XCL1: variants seen among roughly 807,000 people sequenced by gnomAD.
The protein encoded by XCL1 is X-C motif chemokine ligand 1.
A neutral mutation model predicts 7.4 loss-of-function variants in XCL1; 6 were observed. That is an observed-to-expected ratio of 0.82 (90% CI 0.45 to 1.61). The LOEUF (loss-of-function observed/expected upper bound fraction) is 1.61. XCL1 is among the 40% of genes most tolerant of loss of function. The pLI is 0.01. For synonymous variants in XCL1, 48 were observed against 52.4 expected, an observed-to-expected ratio of 0.92 and a Z score of 0.36; for missense variants, 122 against 138.2, an observed-to-expected ratio of 0.88 and a Z score of 0.59.
rs189088440 is a variant in XCL1 at position 168,577,627 on chromosome 1, T to C, written c.61+929T>C. Among the ~76,000 whole-genome samples, 3 of 152,304 alleles carry C rather than the reference T, an allele frequency of 2.0e-5. No individual in the cohort carries two copies. The East Asian group carries it at 5.8e-4, about 29-fold the overall frequency. ...ATGGGTCCCCAAGGGGTTCCATGAA[T>C]AAAGGTGGCTAAGTCTGGAAGTCCT... On this transcript the variant is annotated intron_variant, in intron 1 of 2. Coordinates refer to ENST00000367818, the MANE Select transcript of XCL1 (RefSeq NM_002995.3).
intron 1 of XCL1, chr1:168,579,034 T>C: frequency 2.5e-6 from 1 of 406,654 alleles, no homozygotes; most frequent in South Asian, 2.0e-5. Context: ...AAAGAACAGG[T>C]GATTTCCTAG....
At chr1:168,576,988 A>G (rs1444147216) in intron 1 of XCL1, among the ~76,000 whole-genome samples, 5 of 152,268 alleles carry the variant, frequency 3.3e-5, no homozygotes, top group Admixed American at 2.6e-4. Context: ...ACTGAATAGT[A>G]TAACAGACAT....
intron 2 of XCL1, among the ~76,000 whole-genome samples, chr1:168,580,752 G>A (rs1375622132): frequency 6.6e-6 from 1 of 152,192 alleles, no homozygotes; most frequent in Admixed American, 6.6e-5. Context: ...AAGAGGTTAT[G>A]TAATAATGGA....
In XCL1 at chr1:168,581,187, A is replaced by G; in HGVS notation, c.312A>G (p.Gln104=). The G allele has an allele frequency of 6.2e-7, 1 of 1,613,790 alleles. No individual in the cohort carries two copies. Among genetic ancestry groups the G allele is most frequent in the Non-Finnish European group, 8.5e-7 (1 of 1,179,772 alleles). Residue 104 remains glutamine, a synonymous_variant, in exon 3 of 3, where the codon CAA becomes CAG. Coordinates refer to ENST00000367818, the MANE Select transcript of XCL1 (RefSeq NM_002995.3). ...MIQTKPTGTQ[Q]STNTAVTLTG is the part of the protein sequence containing the mutation. Reference sequence around the variant, plus strand: ...AGACCAAGCCAACAGGAACCCAGCAATCGACCAATACAGCTGTGACTCTGA... The same window carrying G: ...AGACCAAGCCAACAGGAACCCAGCAGTCGACCAATACAGCTGTGACTCTGA...
chr1:168,581,157 G>A lies in XCL1; in HGVS notation c.282G>A (p.Met94Ile), dbSNP rs1463347275. 1.9e-6 allele frequency: 3 copies of A among 1,613,670 alleles called. No individual in the cohort carries two copies. In the African/African-American group the frequency reaches 4.0e-5, roughly 22 times the overall value. Reference protein sequence around the residue: ...MDRKSNTRNNMIQTKPTGTQQ... With the variant: ...MDRKSNTRNNIIQTKPTGTQQ... ...GGAAATCCAACACCAGAAATAACAT[G>A]ATCCAGACCAAGCCAACAGGAACCC... The change falls in exon 3 of 3, where the codon ATG (methionine) becomes ATA (isoleucine). Residue 94 changes from methionine to isoleucine, a missense_variant. Transcript: ENST00000367818.
Position 168,580,150 on chromosome 1 carries a change from T to A in XCL1, c.149T>A (p.Ile50Asn). The change falls in exon 2 of 3, where the codon ATC becomes AAC. Residue 50 changes from isoleucine to asparagine, a missense_variant. Coordinates refer to ENST00000367818, the MANE Select transcript of XCL1 (RefSeq NM_002995.3). ...LPVSRIKTYTITEGSLRAVIF... is the reference protein window; with the variant it reads ...LPVSRIKTYTNTEGSLRAVIF... ...GTTAGCAGAATCAAGACCTACACCA[T>A]CACGGAAGGCTCCTTGAGAGCAGTA... 1 of 1,613,910 alleles carries A rather than the reference T, an allele frequency of 6.2e-7. No homozygotes were observed. Among genetic ancestry groups the A allele is most frequent in the Non-Finnish European group, 8.5e-7 (1 of 1,179,852 alleles).
intron 1 of XCL1, among the ~76,000 whole-genome samples, chr1:168,577,473 G>A (rs1006429904): frequency 3.3e-5 from 5 of 152,114 alleles, no homozygotes; most frequent in African/African-American, 9.7e-5. Context: ...GATATACCGA[G>A]CCCTTACCTG....
intron 1 of XCL1, among the ~76,000 whole-genome samples, chr1:168,577,986 TCAAA>T (rs1655064848): frequency 6.6e-6 from 1 of 152,188 alleles, no homozygotes; most frequent in Non-Finnish European, 1.5e-5. Context: ...ACACAGACAC[TCAAA>T]CATTGCTGAC....
chr1:168,581,556 T>A lies in XCL1; in HGVS notation c.*336T>A. 5.8e-6 allele frequency: 1 copy of A among 172,526 alleles called. No homozygotes were observed. The highest frequency in any genetic ancestry group is 1.2e-5 in the Non-Finnish European group (1 of 82,248). The allele number at this position is 172,526 out of a possible 1,614,324, so 10.7% of individuals were successfully genotyped here. Reference sequence around the variant, plus strand: ...AGGTGAAAGCTATATCAATCTCTCTTAGAGTCCAGCTTGTAATGGTTCTTT... The same window carrying A: ...AGGTGAAAGCTATATCAATCTCTCTAAGAGTCCAGCTTGTAATGGTTCTTT... On this transcript the variant is annotated 3_prime_UTR_variant, in exon 3 of 3. Coordinates refer to ENST00000367818, the MANE Select transcript of XCL1 (RefSeq NM_002995.3).
At chr1:168,579,852 T>A (rs1472612384) in intron 1 of XCL1, among the ~76,000 whole-genome samples, 1 of 152,022 alleles carries the variant, frequency 6.6e-6, no homozygotes, top group Non-Finnish European at 1.5e-5. Context: ...CTGAAACAAT[T>A]CTGTTGATTG....
rs1033876236 is a variant in XCL1, at chr1:168,581,885, T to G, written c.*665T>G. The G allele has an allele frequency of 2.0e-5, 3 of 152,362 alleles. No homozygotes were observed. The South Asian group carries it at 6.2e-4, about 32-fold the overall frequency. The allele number at this position is 152,362 out of a possible 1,614,324, so 9.4% of individuals were successfully genotyped here. On this transcript the variant is annotated 3_prime_UTR_variant, in exon 3 of 3. Coordinates refer to ENST00000367818, the MANE Select transcript of XCL1 (RefSeq NM_002995.3). ...TATTCAAGTAAAAATCAATACCCTT[T>G]GAATTGGACAATAATCTCACTACCT...
Position 168,581,112 on chromosome 1 carries a change from C to T in XCL1, c.237C>T (p.Asp79=), listed in dbSNP as rs151153774. ...ATCCACAAGCCACATGGGTGAGAGA[C>T]GTGGTCAGGAGCATGGACAGGAAAT... ...CADPQATWVR[D]VVRSMDRKSN... is the part of the protein sequence containing the mutation. The change falls in exon 3 of 3, where the codon GAC becomes GAT. Residue 79 remains aspartate (D), a synonymous_variant. Coordinates refer to ENST00000367818, the MANE Select transcript of XCL1 (RefSeq NM_002995.3). 152 of 1,613,802 alleles carry T rather than the reference C, an allele frequency of 9.4e-5. No individual in the cohort carries two copies. The highest frequency in any genetic ancestry group is 3.9e-4 in the African/African-American group (29 of 75,008).
At chr1:168,577,212 T>A (rs1281614163) in intron 1 of XCL1, among the ~76,000 whole-genome samples, 1 of 152,200 alleles carries the variant, frequency 6.6e-6, no homozygotes, top group Non-Finnish European at 1.5e-5. Context: ...AGAGGATGTA[T>A]GTTCTGGAGT....
chr1:168,579,125 C>G (rs548858609), intron 1 of XCL1: 1 of 425,458 alleles, frequency 2.4e-6, no homozygotes, highest in African/African-American at 2.1e-5. Flanking sequence ...TGTCTCTGGT[C>G]AGTACTTGTG....
rs397832918 is a variant in XCL1 at position 168,579,656 on chromosome 1, A to G, written c.62-407A>G. Among the ~76,000 whole-genome samples, 323 of 152,128 alleles carry G rather than the reference A, an allele frequency of 2.1e-3. 2 individuals are homozygous for G. Among genetic ancestry groups the G allele is most frequent in the African/African-American group, 7.4e-3 (307 of 41,476 alleles). ...CTGTCTGCTGCCTGGCTCCCTCATG[A>G]GAAGATATGCTCTATGAAAACAGGA... On this transcript the variant is annotated intron_variant, in intron 1 of 2. Coordinates refer to ENST00000367818, the MANE Select transcript of XCL1 (RefSeq NM_002995.3).
rs6688290 is a variant in XCL1, at chr1:168,581,028, G to A, written c.177-24G>A. 7.7e-3 allele frequency: 12,411 copies of A among 1,603,486 alleles called. 351 individuals are homozygous for A. The African/African-American group carries it at 0.087, about 11-fold the overall frequency. Reference sequence around the variant, plus strand: ...AGGCTTTGAGAATGTGGCTAACTTCGTCTGTCTTTTCCTTGCGTTACAGTT... The same window carrying A: ...AGGCTTTGAGAATGTGGCTAACTTCATCTGTCTTTTCCTTGCGTTACAGTT... On this transcript the variant is annotated intron_variant, in intron 2 of 2. Transcript: ENST00000367818.
intron 2 of XCL1, 66 bp from the exon 3 acceptor site, chr1:168,580,986 C>G: frequency 1.3e-6 from 2 of 1,581,846 alleles, no homozygotes; most frequent in Middle Eastern, 3.4e-4. Context: ...CTGCCCTGAT[C>G]TTAACTCCTG....
intron 2 of XCL1, among the ~76,000 whole-genome samples, 194 bp from the exon 3 acceptor site, chr1:168,580,857 AC>A (rs1379052073): frequency 2.6e-4 from 39 of 152,286 alleles, no homozygotes; most frequent in African/African-American, 9.4e-4. Flanking sequence ...GCTGGATACT[AC>A]TTGCAGATAT....
rs1655085766 is a variant in XCL1 at position 168,578,800 on chromosome 1, C to T, written c.62-1263C>T. ...GCTTCCACCAGCTTAGCCAAAGCTC[C>T]TTTGTCTTCCTGGTTAACTTGTGTG... On this transcript the variant is annotated intron_variant, in intron 1 of 2. Coordinates refer to ENST00000367818, the MANE Select transcript of XCL1 (RefSeq NM_002995.3). 2.0e-5 allele frequency: 9 copies of T among 459,340 alleles called. No individual in the cohort carries two copies. The Admixed American group carries it at 2.2e-4, about 11-fold the overall frequency. 28.5% of individuals were successfully genotyped at this position (459,340 alleles called of 1,614,324 possible).
Sources: allele counts gnomAD v4.1 joint callset (sites outside exome capture counted in the v4.1 genomes callset), GRCh38; gene constraint gnomAD v4.1.1; transcripts MANE v1.5; gene names NCBI Gene and HGNC (gene_info 2026-07-23, HGNC 2026-07-21).